DMD: variants seen among roughly 807,000 people sequenced by gnomAD.
DMD encodes the protein dystrophin.
A neutral mutation model predicts 330.1 loss-of-function variants in DMD; 63 were observed. That is an observed-to-expected ratio of 0.19 (90% CI 0.16 to 0.24). The LOEUF is 0.24. Among genes scored for constraint, DMD ranks in the 10% least tolerant of loss-of-function variants. DMD has a pLI of 1.00. For missense variants in DMD, 3,344 were observed against 2,684.1 expected, an observed-to-expected ratio of 1.25 and a Z score of -5.43; for synonymous variants, 1,223 against 959.8, an observed-to-expected ratio of 1.27 and a Z score of -5.07.
chrX:32,354,848 G>A (rs959977174), intron 37 of DMD, among the ~76,000 whole-genome samples: 1 of 111,220 alleles, frequency 9.0e-6, no homozygotes, highest in Non-Finnish European at 1.9e-5. Flanking sequence ...AAATATATTC[G>A]TGGGTCAAGA....
chrX:32,879,727 T>C (rs775161222), intron 2 of DMD, among the ~76,000 whole-genome samples: 5 of 111,596 alleles, frequency 4.5e-5, no homozygotes, highest in Non-Finnish European at 5.6e-5. Flanking sequence ...GGGTGAGTGG[T>C]ATGGTACCAT....
At chrX:32,071,409 CAAA>C (rs1405435680) in intron 44 of DMD, among the ~76,000 whole-genome samples, 1 of 103,800 alleles carries the variant, frequency 9.6e-6, no homozygotes, top group African/African-American at 3.6e-5. Context: ...ATCGCAAGGA[CAAA>C]AAACCAAACA....
At chrX:32,537,060 G>A (rs1186148912) in intron 17 of DMD, among the ~76,000 whole-genome samples, 1 of 111,672 alleles carries the variant, frequency 9.0e-6, no homozygotes, top group African/African-American at 3.3e-5. Context: ...TACATTTGGA[G>A]GGATTTAGTG....
intron 2 of DMD, among the ~76,000 whole-genome samples, chrX:33,012,045 A>G (rs920928140): frequency 2.7e-5 from 3 of 111,849 alleles, no homozygotes; most frequent in African/African-American, 9.7e-5. Flanking sequence ...GGAATTGTCA[A>G]GATCTCAGTA....
At chrX:32,411,686 A>T in intron 30 of DMD, 66 bp downstream of exon 30, 2 of 1,135,568 alleles carry the variant, frequency 1.8e-6, no homozygotes, top group South Asian at 3.6e-5. Flanking sequence ...AAAGTTAGAA[A>T]CACTGCAACA....
intron 59 of DMD, among the ~76,000 whole-genome samples, chrX:31,456,516 A>T (rs1187561746): frequency 8.9e-6 from 1 of 112,361 alleles, no homozygotes; most frequent in African/African-American, 3.2e-5. Context: ...ACTGATAAAG[A>T]GGAAGCATAG....
Position 32,834,713 on chromosome X carries a change from C to A in DMD, c.264+10070G>T, listed in dbSNP as rs145121246. Reference sequence around the variant, plus strand: ...TTTGAAGTTACTTGGTAAAAACTTACCACCTTGTGATAGACAATTGATGAG... The same window carrying A: ...TTTGAAGTTACTTGGTAAAAACTTAACACCTTGTGATAGACAATTGATGAG... On this transcript the variant is annotated intron_variant, in intron 4 of 78. Coordinates refer to ENST00000357033, the MANE Select transcript of DMD (RefSeq NM_004006.3). Among the ~76,000 whole-genome samples, 596 of 111,689 alleles carry A rather than the reference C, an allele frequency of 5.3e-3. 5 individuals are homozygous for A. Among genetic ancestry groups the A allele is most frequent in the African/African-American group, 0.017 (532 of 30,830 alleles).
chrX:31,187,867 G>A (rs1296437038), intron 67 of DMD, among the ~76,000 whole-genome samples: 2 of 110,497 alleles, frequency 1.8e-5, no homozygotes, highest in Non-Finnish European at 3.8e-5. Context: ...AGGGGCCTGT[G>A]ACCAGCTGTT....
intron 55 of DMD, among the ~76,000 whole-genome samples, chrX:31,590,888 C>T (rs1022273390): frequency 7.2e-5 from 8 of 111,526 alleles, no homozygotes; most frequent in African/African-American, 2.6e-4. Context: ...TTTGGGAATG[C>T]TTCCAAGGTT....
chrX:32,186,159 T>A (rs2096945728), intron 44 of DMD, among the ~76,000 whole-genome samples: 1 of 110,867 alleles, frequency 9.0e-6, no homozygotes, highest in Non-Finnish European at 1.9e-5. Context: ...ATCTGACACA[T>A]CACACTGGTT....
At chrX:33,056,944 TTC>T (rs1337872504) in intron 1 of DMD, among the ~76,000 whole-genome samples, 2 of 111,535 alleles carry the variant, frequency 1.8e-5, no homozygotes, top group Non-Finnish European at 3.8e-5. Context: ...TTCTTTCTCG[TTC>T]TCTGTTATGA....
chrX:33,068,617 T>C (rs767600674), intron 1 of DMD, among the ~76,000 whole-genome samples: 3 of 112,524 alleles, frequency 2.7e-5, no homozygotes, highest in Non-Finnish European at 5.6e-5. Flanking sequence ...TATCTATGTG[T>C]GTGCTTATAT....
chrX:33,226,303 A>G (rs766801402), intron 1 of DMD, among the ~76,000 whole-genome samples: 21 of 111,675 alleles, frequency 1.9e-4, no homozygotes, highest in Non-Finnish European at 1.7e-4. Context: ...ATAGGCAGAA[A>G]CTGGAAACAA....
chrX:32,150,996 G>C (rs2096801101), intron 44 of DMD, among the ~76,000 whole-genome samples: 1 of 111,056 alleles, frequency 9.0e-6, no homozygotes, highest in South Asian at 3.8e-4. Flanking sequence ...TAAGGGAGGG[G>C]ATAGGGAGAA....
intron 9 of DMD, among the ~76,000 whole-genome samples, chrX:32,665,733 A>G (rs1490428097): frequency 8.9e-6 from 1 of 112,169 alleles, no homozygotes; most frequent in Admixed American, 9.5e-5. Flanking sequence ...ACTGAGAAGT[A>G]GGAATTTTTA....
intron 55 of DMD, among the ~76,000 whole-genome samples, chrX:31,571,975 T>A (rs2075844683): frequency 9.0e-6 from 1 of 111,235 alleles, no homozygotes; most frequent in Non-Finnish European, 1.9e-5. Flanking sequence ...AAAATTATTT[T>A]CTTTTAAAAG....
intron 1 of DMD, among the ~76,000 whole-genome samples, chrX:33,205,976 T>C (rs1388207654): frequency 3.6e-5 from 4 of 111,759 alleles, no homozygotes; most frequent in Non-Finnish European, 7.5e-5. Context: ...AAAATTATCT[T>C]AATCCTCTCC....
At chrX:33,006,220 T>C (rs2093393690) in intron 2 of DMD, among the ~76,000 whole-genome samples, 1 of 111,395 alleles carries the variant, frequency 9.0e-6, no homozygotes, top group African/African-American at 3.3e-5. Flanking sequence ...CACAGCAAGT[T>C]ACCTTGCCTT....
At chrX:32,779,910 T>A (rs2074549318) in intron 7 of DMD, among the ~76,000 whole-genome samples, 1 of 111,819 alleles carries the variant, frequency 8.9e-6, no homozygotes, top group Non-Finnish European at 1.9e-5. Flanking sequence ...TTCAAGATAT[T>A]CTTGGGAAAA....
Sources: gnomAD v4.1 joint callset for allele counts (sites outside exome capture counted in the v4.1 genomes callset) on GRCh38, gnomAD v4.1.1 for gene constraint, MANE v1.5 for transcripts, NCBI Gene and HGNC (gene_info 2026-07-23, HGNC 2026-07-21) for gene names.